ARNT2: variants seen among roughly 807,000 people sequenced by gnomAD.
ARNT2 encodes the protein ARNT protein 2.
Under a neutral mutation model 91.7 loss-of-function variants are expected in ARNT2, and 36 were observed. That is an observed-to-expected ratio of 0.39 (90% CI 0.30 to 0.52). The LOEUF (loss-of-function observed/expected upper bound fraction) is 0.52, where lower values mean the gene tolerates loss of function less well. Ranked by LOEUF, ARNT2 falls within the 20% of genes least tolerant of loss-of-function variation. The probability of loss-of-function intolerance (pLI) is 0.72; values close to 1 mark genes in which losing one functional copy is unlikely to be tolerated. For missense variants in ARNT2, 775 were observed against 939.3 expected (o/e 0.83, Z 2.29); for synonymous variants, 365 against 347.1 (o/e 1.05, Z -0.57).
intron 6 of ARNT2, among the ~76,000 whole-genome samples, chr15:80,510,199 C>T (rs1002040833): frequency 1.3e-5 from 2 of 152,082 alleles, no homozygotes; most frequent in African/African-American, 2.4e-5. Flanking sequence ...TCAAAGGTTC[C>T]GCTAAAGTCT....
chr15:80,580,136 G>A, intron 15 of ARNT2: 1 of 416,812 alleles, frequency 2.4e-6, no homozygotes, highest in Non-Finnish European at 4.4e-6. Flanking sequence ...AGGGGCTGAA[G>A]AGTGCGTGGG....
chr15:80,553,610 T>C (rs1164670823), intron 10 of ARNT2, among the ~76,000 whole-genome samples: 1 of 152,088 alleles, frequency 6.6e-6, no homozygotes, highest in Non-Finnish European at 1.5e-5. Flanking sequence ...TATACACATA[T>C]ATGAAGAAAA....
intron 6 of ARNT2, among the ~76,000 whole-genome samples, chr15:80,509,077 A>T (rs747516953): frequency 9.2e-5 from 14 of 152,148 alleles, no homozygotes; most frequent in Non-Finnish European, 8.8e-5. Flanking sequence ...TTATTTAGTT[A>T]TTCAACACAT....
intron 1 of ARNT2, among the ~76,000 whole-genome samples, chr15:80,415,063 A>C (rs1458944671): frequency 2.0e-5 from 3 of 152,206 alleles, no homozygotes; most frequent in Non-Finnish European, 4.4e-5. Context: ...CAGGCAAGGA[A>C]AGATGCTGAA....
rs1301186100 is a variant in ARNT2 at position 80,505,924 on chromosome 15, GTTGTTTTTT to G, written c.623-2229_623-2221del. Among the ~76,000 whole-genome samples the G allele has an allele frequency of 2.8e-5, 2 of 71,188 alleles. 1 individual carries two copies. The highest frequency in any genetic ancestry group is 1.3e-4 in the African/African-American group (2 of 15,236). The allele number at this position is 71,188 out of a possible 152,430, so 46.7% of individuals were successfully genotyped here. A position where few individuals can be genotyped will look rare whatever the true frequency, so the allele number is the denominator to read the frequency against. On this transcript the variant is annotated intron_variant, in intron 5 of 18. Transcript: ENST00000303329. Reference sequence around the variant, plus strand: ...AAAGAAAAAATGATTCCCAACATTTGTTGTTTTTTTTTTTTTTTTTTTTGAGACGGAGTC... The same window carrying G: ...AAAGAAAAAATGATTCCCAACATTTGTTTTTTTTTTTTTTGAGACGGAGTC...
At chr15:80,499,664 G>A (rs538112818) in intron 5 of ARNT2, among the ~76,000 whole-genome samples, 2 of 152,336 alleles carry the variant, frequency 1.3e-5, no homozygotes, top group African/African-American at 4.8e-5. Flanking sequence ...GGAGGACTCT[G>A]ATTGGCCTGG....
intron 5 of ARNT2, among the ~76,000 whole-genome samples, chr15:80,485,994 A>G (rs1393815057): frequency 2.0e-5 from 3 of 152,190 alleles, no homozygotes; most frequent in Non-Finnish European, 4.4e-5. Flanking sequence ...TCAGAAGTCC[A>G]AAATCAAGGT....
At chr15:80,532,889 C>G (rs1897760885) in intron 8 of ARNT2, among the ~76,000 whole-genome samples, 1 of 152,200 alleles carries the variant, frequency 6.6e-6, no homozygotes, top group African/African-American at 2.4e-5. Context: ...ATGGTCAAGT[C>G]TGTGCTTTGA....
At chr15:80,452,287 G>A (rs1420259495) in intron 2 of ARNT2, among the ~76,000 whole-genome samples, 1 of 152,186 alleles carries the variant, frequency 6.6e-6, no homozygotes, top group Admixed American at 6.5e-5. Context: ...TGCACTCGCT[G>A]GGTGCTGATA....
intron 17 of ARNT2, among the ~76,000 whole-genome samples, chr15:80,582,265 G>A (rs914169730): frequency 6.6e-6 from 1 of 150,874 alleles, no homozygotes; most frequent in African/African-American, 2.4e-5. Context: ...GGTCAAGGTG[G>A]CAGATCACCG....
rs1159137605 is a variant in ARNT2, at chr15:80,596,705, C to T, written c.*3007C>T. 6.4e-6 allele frequency: 1 copy of T among 156,934 alleles called. No individual in the cohort carries two copies. Among genetic ancestry groups the T allele is most frequent in the Non-Finnish European group, 1.4e-5 (1 of 70,756 alleles). The allele number at this position is 156,934 out of a possible 1,614,324, so 9.7% of individuals were successfully genotyped here. On this transcript the variant is annotated 3_prime_UTR_variant, in exon 19 of 19. Transcript: ENST00000303329. ...CTTTGTTTGACTCTGTGACTCACTT[C>T]CTCGCTCACACCTTGTTTGAACTAC...
chr15:80,426,058 C>T (rs1010695055), intron 1 of ARNT2, among the ~76,000 whole-genome samples: 1 of 149,668 alleles, frequency 6.7e-6, no homozygotes, highest in African/African-American at 2.5e-5. Context: ...AAGACTGTCT[C>T]GAAAAGAAAA....
At chr15:80,467,913 A>G (rs1429395204) in intron 3 of ARNT2, among the ~76,000 whole-genome samples, 2 of 152,278 alleles carry the variant, frequency 1.3e-5, no homozygotes, top group East Asian at 3.9e-4. Context: ...AGGAAAAGGA[A>G]GTCCTGTATC....
At chr15:80,572,797 A>G (rs1898606194) in intron 12 of ARNT2, among the ~76,000 whole-genome samples, 1 of 152,244 alleles carries the variant, frequency 6.6e-6, no homozygotes, top group Admixed American at 6.5e-5. Context: ...GTTTGTGGCC[A>G]TAATTGCAGC....
intron 1 of ARNT2, 84 bp from the exon 2 acceptor site, chr15:80,450,796 C>A: frequency 7.4e-7 from 1 of 1,359,410 alleles, no homozygotes; most frequent in Non-Finnish European, 1.1e-6. Context: ...GCAGGTGGTG[C>A]TTCTGGTACC....
At chr15:80,428,345 T>C (rs1895961162) in intron 1 of ARNT2, among the ~76,000 whole-genome samples, 1 of 152,250 alleles carries the variant, frequency 6.6e-6, no homozygotes, top group African/African-American at 2.4e-5. Context: ...CATGGATATA[T>C]GTGGTGCATA....
chr15:80,513,814 A>T, intron 6 of ARNT2, 97 bp from the exon 7 acceptor site: 1 of 1,029,086 alleles, frequency 9.7e-7, no homozygotes, highest in Non-Finnish European at 1.5e-6. Context: ...ATAAATGTGT[A>T]AGCATCAATT....
At chr15:80,428,932 C>T (rs1359658295) in intron 1 of ARNT2, among the ~76,000 whole-genome samples, 2 of 152,128 alleles carry the variant, frequency 1.3e-5, no homozygotes, top group South Asian at 4.1e-4. Flanking sequence ...GATATACGAT[C>T]GATCTGATAC....
intron 17 of ARNT2, among the ~76,000 whole-genome samples, chr15:80,590,064 GGA>G (rs1045435477): frequency 6.6e-6 from 1 of 152,100 alleles, no homozygotes; most frequent in African/African-American, 2.4e-5. Flanking sequence ...TGGATGGGTG[GGA>G]GAGAGAGCGA....
Sources: gnomAD v4.1 joint callset for allele counts (sites outside exome capture counted in the v4.1 genomes callset) on GRCh38, gnomAD v4.1.1 for gene constraint, MANE v1.5 for transcripts, NCBI Gene and HGNC (gene_info 2026-07-23, HGNC 2026-07-21) for gene names.